PARD3B: variants seen among roughly 807,000 people sequenced by gnomAD.
The protein encoded by PARD3B is partitioning defective 3 homolog B.
PARD3B carries 103 observed loss-of-function variants against 130.2 expected under a neutral mutation model. The observed-to-expected ratio is 0.79, with a 90% CI of 0.67 to 0.93. The LOEUF is 0.93. Ranked by LOEUF, PARD3B falls within the 40% of genes least tolerant of loss-of-function variation. The pLI, the probability that PARD3B is intolerant of heterozygous loss-of-function variation, is 0.00. For missense variants in PARD3B, 1,609 were observed against 1,499.2 expected (o/e 1.07, Z -1.21); for synonymous variants, 583 against 553.2 (o/e 1.05, Z -0.76).
chr2:205,440,541 T>G lies in PARD3B; in HGVS notation c.2913T>G (p.Ser971=). 1 of 1,614,094 alleles carries G rather than the reference T, an allele frequency of 6.2e-7. No individual in the cohort carries two copies. The highest frequency in any genetic ancestry group is 8.5e-7 in the Non-Finnish European group (1 of 1,179,990). ...EPCTSANVFR[S]PSPPRAGPFG... ...GCACATCAGCAAATGTCTTTAGATCTCCATCTCCCCCTCGAGCTGGACCAT... is the reference window on the plus strand; with the variant it reads ...GCACATCAGCAAATGTCTTTAGATCGCCATCTCCCCCTCGAGCTGGACCAT... Residue 971 remains serine (S), a synonymous_variant, in exon 20 of 23, where the codon TCT becomes TCG. Coordinates refer to ENST00000406610, the MANE Select transcript of PARD3B (RefSeq NM_001302769.2). The surrounding 1 kb of genome is among the most constrained non-coding windows in gnomAD (Gnocchi z 4.2).
At chr2:205,124,670 G>A (rs1165563837) in intron 9 of PARD3B, among the ~76,000 whole-genome samples, 1 of 152,030 alleles carries the variant, frequency 6.6e-6, no homozygotes, top group Non-Finnish European at 1.5e-5. Flanking sequence ...CCCCAATAAG[G>A]TCAGTGATAT....
intron 22 of PARD3B, among the ~76,000 whole-genome samples, chr2:205,569,993 T>C (rs1288792139): frequency 6.6e-6 from 1 of 152,118 alleles, no homozygotes; most frequent in Admixed American, 6.6e-5. Context: ...ACTCTAAGCA[T>C]GCTCCTCAGA....
chr2:205,171,197 G>A (rs906556406), intron 11 of PARD3B, among the ~76,000 whole-genome samples: 2 of 152,192 alleles, frequency 1.3e-5, no homozygotes, highest in Non-Finnish European at 2.9e-5. Flanking sequence ...GATAACATTC[G>A]TAATCACAGC....
chr2:204,960,230 G>C (rs1690625951), intron 2 of PARD3B, among the ~76,000 whole-genome samples: 1 of 152,156 alleles, frequency 6.6e-6, no homozygotes, highest in South Asian at 2.1e-4. Context: ...ATAAATCAAA[G>C]TGGTGTATTG....
rs150420022 is a variant in PARD3B at position 204,673,175 on chromosome 2, A to C, written c.121-13006A>C. The stretch of plus-strand genomic sequence containing the variant: ...CTGAATTATCCTATTTATGTGGCAC[A>C]TGCCCAGCCAATCCTGCTGTGCTGT... On this transcript the variant is annotated intron_variant, in intron 1 of 22. Coordinates refer to ENST00000406610, the MANE Select transcript of PARD3B (RefSeq NM_001302769.2). This position sits in a 1 kb window ranked among gnomAD's most constrained non-coding sequence, Gnocchi z 4.7. Among the ~76,000 whole-genome samples, 712 of 152,340 alleles carry C rather than the reference A, an allele frequency of 4.7e-3. 1 individual carries two copies. The highest frequency in any genetic ancestry group is 7.5e-3 in the Non-Finnish European group (511 of 68,032).
At chr2:204,643,136 A>AAAAAAAAAAAAAAAAAAAAAG (rs1559202402) in intron 1 of PARD3B, among the ~76,000 whole-genome samples, 4 of 145,200 alleles carry the variant, frequency 2.8e-5, no homozygotes, top group Non-Finnish European at 6.1e-5. Context: ...AAAAAAAAAA[A>AAAAAAAAAAAAAAAAAAAAAG]TGTTTGGCAC....
At chr2:205,285,650 G>A (rs937486959) in intron 16 of PARD3B, among the ~76,000 whole-genome samples, 7 of 152,136 alleles carry the variant, frequency 4.6e-5, no homozygotes, top group Middle Eastern at 3.2e-3. Flanking sequence ...GATGTTCTCC[G>A]CTGTCGCCCA....
chr2:204,776,463 A>G (rs2041626994), intron 2 of PARD3B, among the ~76,000 whole-genome samples: 1 of 152,148 alleles, frequency 6.6e-6, no homozygotes, highest in Admixed American at 6.6e-5. Flanking sequence ...GTGATGGAAC[A>G]TCTTCATCAT....
rs561410419 is a variant in PARD3B, at chr2:205,454,399, A to G, written c.3044+13727A>G. Among the ~76,000 whole-genome samples the G allele has an allele frequency of 1.8e-3, 275 of 152,286 alleles. 1 individual carries two copies. The highest frequency in any genetic ancestry group is 6.3e-3 in the African/African-American group (262 of 41,566). ...GTGGGATGAAAAAGGGCCGGAAAAG[A>G]TAGTTTTAATGGTATACTCATAATT... On this transcript the variant is annotated intron_variant, in intron 20 of 22. Coordinates refer to ENST00000406610, the MANE Select transcript of PARD3B (RefSeq NM_001302769.2).
intron 2 of PARD3B, among the ~76,000 whole-genome samples, chr2:204,916,148 T>G (rs995727486): frequency 2.6e-5 from 4 of 152,230 alleles, no homozygotes; most frequent in Non-Finnish European, 5.9e-5. Context: ...GGTTGGCTGT[T>G]TATTTTCCAA....
Position 205,175,551 on chromosome 2 carries a change from A to G in PARD3B, c.1792-894A>G, listed in dbSNP as rs558835541. On this transcript the variant is annotated intron_variant, in intron 12 of 22. Transcript: ENST00000406610. Reference sequence around the variant, plus strand: ...CAATGCTTTGTTTTAGCCAAATGCTATACTCAGAAGAGCTCTGGGAATCAG... The same window carrying G: ...CAATGCTTTGTTTTAGCCAAATGCTGTACTCAGAAGAGCTCTGGGAATCAG... Among the ~76,000 whole-genome samples, 338 of 152,358 alleles carry G rather than the reference A, an allele frequency of 2.2e-3. 2 individuals carry two copies. Among genetic ancestry groups the G allele is most frequent in the Admixed American group, 3.5e-3 (54 of 15,304 alleles).
rs183255122 is a variant in PARD3B, at chr2:205,507,405, G to A, written c.3180+7374G>A. Among the ~76,000 whole-genome samples, 516 of 151,600 alleles carry A rather than the reference G, an allele frequency of 3.4e-3. 1 individual carries two copies. Among genetic ancestry groups the A allele is most frequent in the African/African-American group, 0.011 (466 of 41,322 alleles). The stretch of plus-strand genomic sequence containing the variant: ...AATTTTTTGTATTTTTAGTAGAGAC[G>A]GGGTTTCACCGTGTTAGCCAGAATG... On this transcript the variant is annotated intron_variant, in intron 21 of 22. Transcript: ENST00000406610.
intron 1 of PARD3B, among the ~76,000 whole-genome samples, chr2:204,616,239 T>C (rs1445714502): frequency 1.3e-5 from 2 of 152,176 alleles, no homozygotes; most frequent in African/African-American, 4.8e-5. Context: ...AAACGTGTTA[T>C]CTAAAATATG....
intron 1 of PARD3B, among the ~76,000 whole-genome samples, chr2:204,586,876 T>C (rs2032849813): frequency 6.6e-6 from 1 of 152,220 alleles, no homozygotes. Context: ...AAAATGCTTA[T>C]GACTAAACCT....
At chr2:205,169,009 A>G (rs1438642362) in intron 11 of PARD3B, among the ~76,000 whole-genome samples, 1 of 152,148 alleles carries the variant, frequency 6.6e-6, no homozygotes, top group Non-Finnish European at 1.5e-5. Flanking sequence ...ATGGTTTCTC[A>G]TCCTCTTTGG....
rs181016635 is a variant in PARD3B at position 205,613,536 on chromosome 2, C to T, written c.3261-1920C>T. ...AATCCAGAGCCTTTATTTCCCATGGCTAGAGTGACAGATTATCCATTTGTG... is the reference window on the plus strand; with the variant it reads ...AATCCAGAGCCTTTATTTCCCATGGTTAGAGTGACAGATTATCCATTTGTG... On this transcript the variant is annotated intron_variant, in intron 22 of 22. Coordinates refer to ENST00000406610, the MANE Select transcript of PARD3B (RefSeq NM_001302769.2). 4.1e-4 allele frequency among the ~76,000 whole-genome samples: 63 copies of T among 152,272 alleles called. 1 individual carries two copies. The highest frequency in any genetic ancestry group is 1.5e-3 in the African/African-American group (61 of 41,562).
At chr2:204,845,442 ACT>A (rs1411550019) in intron 2 of PARD3B, among the ~76,000 whole-genome samples, 2 of 152,134 alleles carry the variant, frequency 1.3e-5, no homozygotes, top group Non-Finnish European at 2.9e-5. Context: ...TCAAATACCA[ACT>A]AGAATTATAT....
intron 10 of PARD3B, among the ~76,000 whole-genome samples, chr2:205,147,586 AC>A (rs933795142): frequency 1.3e-5 from 2 of 151,670 alleles, no homozygotes; most frequent in Admixed American, 6.6e-5. Flanking sequence ...TCCTCCCTCT[AC>A]CCCCTTTCAT....
chr2:204,720,212 C>A lies in PARD3B; in HGVS notation c.222+33930C>A, dbSNP rs946712683. 3.3e-5 allele frequency among the ~76,000 whole-genome samples: 5 copies of A among 152,276 alleles called. No individual in the cohort carries two copies. The East Asian group carries it at 9.7e-4, about 29-fold the overall frequency. On this transcript the variant is annotated intron_variant, in intron 2 of 22. Coordinates refer to ENST00000406610, the MANE Select transcript of PARD3B (RefSeq NM_001302769.2). Reference sequence around the variant, plus strand: ...CGAGCCAGCAGAAATGATCCATATACTGAATAACATCTCGTTTGGAGTTGC... The same window carrying A: ...CGAGCCAGCAGAAATGATCCATATAATGAATAACATCTCGTTTGGAGTTGC...
Sources: gnomAD v4.1 joint callset for allele counts (sites outside exome capture counted in the v4.1 genomes callset) on GRCh38, gnomAD v4.1.1 for gene constraint, Gnocchi (gnomAD v3.1) non-coding constraint, MANE v1.5 for transcripts, NCBI Gene and HGNC (gene_info 2026-07-23, HGNC 2026-07-21) for gene names.